The following SLC9A9 variants were observed in gnomAD, a reference collection of about 807,000 sequenced individuals.
SLC9A9 encodes the protein solute carrier family 9 member A9.
A neutral mutation model predicts 77.8 loss-of-function variants in SLC9A9; 62 were observed. The observed-to-expected ratio is 0.80, with a 90% CI of 0.65 to 0.98. SLC9A9 has a LOEUF of 0.98. Among genes scored for constraint, SLC9A9 ranks in the 50% least tolerant of loss-of-function variants. The pLI is 0.00. For missense variants in SLC9A9, 775 were observed against 774.9 expected (o/e 1.00, Z 0.00); for synonymous variants, 320 against 283.5 (o/e 1.13, Z -1.29).
At chr3:143,423,697 T>C (rs775339677) in intron 12 of SLC9A9, among the ~76,000 whole-genome samples, 7 of 152,204 alleles carry the variant, frequency 4.6e-5, no homozygotes, top group African/African-American at 7.2e-5. Context: ...GATATTTATA[T>C]AGCTTCAAAG....
chr3:143,574,122 A>C lies in SLC9A9; in HGVS notation c.966T>G (p.Ser322Arg). 6.2e-7 allele frequency: 1 copy of C among 1,613,560 alleles called. No individual in the cohort carries two copies. Residue 322 changes from serine (S) to arginine (R), a missense_variant, in exon 8 of 16, where the codon AGT becomes AGG. Physicochemically the swap from Ser to Arg is moderately radical, Grantham distance 110 (BLOSUM62 -1). Transcript: ENST00000316549. ...CGGCAGCCTCGGCAGACAGGAAGGC[A>C]CTCCAAGAAAGCAGGAAAAACAGGC... ...ETGLFFLLSWSAFLSAEAAGL... is the reference protein window; with the variant it reads ...ETGLFFLLSWRAFLSAEAAGL...
At chr3:143,564,618 C>G (rs2037138157) in intron 8 of SLC9A9, among the ~76,000 whole-genome samples, 1 of 152,110 alleles carries the variant, frequency 6.6e-6, no homozygotes, top group South Asian at 2.1e-4. Context: ...ATGGAAAACT[C>G]CTTCAGGCAA....
intron 9 of SLC9A9, among the ~76,000 whole-genome samples, chr3:143,525,814 C>T (rs2036394733): frequency 6.6e-6 from 1 of 151,960 alleles, no homozygotes; most frequent in Non-Finnish European, 1.5e-5. Flanking sequence ...ATTTATTTGA[C>T]CAATAATGAC....
intron 14 of SLC9A9, among the ~76,000 whole-genome samples, chr3:143,336,890 TTAC>T (rs1208519671): frequency 6.6e-6 from 1 of 152,152 alleles, no homozygotes; most frequent in Non-Finnish European, 1.5e-5. Flanking sequence ...TACGTGCTTT[TTAC>T]TACATTAATA....
At chr3:143,778,467 A>G (rs1207328282) in intron 4 of SLC9A9, among the ~76,000 whole-genome samples, 2 of 152,220 alleles carry the variant, frequency 1.3e-5, no homozygotes, top group East Asian at 3.8e-4. Context: ...GAATACTGGA[A>G]TTCTTTAATA....
chr3:143,528,503 G>A lies in SLC9A9; in HGVS notation c.1089+23859C>T, dbSNP rs551488107. On this transcript the variant is annotated intron_variant, in intron 9 of 15. Transcript: ENST00000316549. ...TGATCAACAAATCTAAGTTTGCTGT[G>A]ATCTTTTCCCGTTTTAGCACTGAAA... Among the ~76,000 whole-genome samples, 5 of 152,236 alleles carry A rather than the reference G, an allele frequency of 3.3e-5. No individual in the cohort carries two copies. The South Asian group carries it at 1.0e-3, about 32-fold the overall frequency.
chr3:143,303,299 T>G (rs9862119), intron 14 of SLC9A9, among the ~76,000 whole-genome samples: 37,576 of 151,950 alleles, frequency 0.25, 5,065 homozygotes, highest in Middle Eastern at 0.38. Context: ...AAATAGAAAG[T>G]GATATCTGAA....
At chr3:143,351,887 T>A (rs559662900) in intron 14 of SLC9A9, among the ~76,000 whole-genome samples, 2 of 152,270 alleles carry the variant, frequency 1.3e-5, no homozygotes, top group East Asian at 3.9e-4. Flanking sequence ...ATGTTCATCT[T>A]CTGAATATTT....
chr3:143,595,517 T>G (rs773141047), intron 6 of SLC9A9, among the ~76,000 whole-genome samples: 13 of 152,210 alleles, frequency 8.5e-5, no homozygotes, highest in Non-Finnish European at 1.5e-4. Flanking sequence ...CTTGCTTAAT[T>G]TAGTGAAAAC....
chr3:143,302,363 G>A (rs116495888), intron 14 of SLC9A9, among the ~76,000 whole-genome samples: 3,961 of 152,174 alleles, frequency 0.026, 70 homozygotes, highest in South Asian at 0.046. Flanking sequence ...ATGGAAAATC[G>A]GGTAGCAGAG....
chr3:143,438,810 T>C (rs2034672330), intron 12 of SLC9A9, among the ~76,000 whole-genome samples: 1 of 152,082 alleles, frequency 6.6e-6, no homozygotes, highest in Non-Finnish European at 1.5e-5. Context: ...CCAGGGGACC[T>C]CAGCTGCCTA....
intron 4 of SLC9A9, among the ~76,000 whole-genome samples, chr3:143,711,400 TA>T (rs1336520220): frequency 2.6e-5 from 4 of 151,830 alleles, no homozygotes; most frequent in East Asian, 1.9e-4. Context: ...TTTACTCTTT[TA>T]AAAAAAATTA....
chr3:143,302,478 A>AGCCC (rs2108429110), intron 14 of SLC9A9, among the ~76,000 whole-genome samples: 1 of 152,344 alleles, frequency 6.6e-6, no homozygotes, highest in African/African-American at 2.4e-5. Context: ...GGGCTGAAAA[A>AGCCC]GCCCAAGAAA....
At position 143,726,251 on chromosome 3, in the gene SLC9A9, G is replaced by GA. The variant is rs3055626; in HGVS notation, c.534-32945dup. Among the ~76,000 whole-genome samples the GA allele has an allele frequency of 8.5e-3, 1,160 of 136,896 alleles. 25 individuals carry two copies. The highest frequency in any genetic ancestry group is 0.023 in the African/African-American group (834 of 36,682). The allele number at this position is 136,896 out of a possible 152,430, so 89.8% of individuals were successfully genotyped here. On this transcript the variant is annotated intron_variant, in intron 4 of 15. Coordinates refer to ENST00000316549, the MANE Select transcript of SLC9A9 (RefSeq NM_173653.4). Reference sequence around the variant, plus strand: ...AAAATAAAAGTTGGAAATAAAAAAAGAAAAAAAAAAAAAAGAAACACAGTT... The same window carrying GA: ...AAAATAAAAGTTGGAAATAAAAAAAGAAAAAAAAAAAAAAAGAAACACAGTT...
At chr3:143,680,514 A>G (rs4839652) in intron 5 of SLC9A9, among the ~76,000 whole-genome samples, 48,781 of 151,978 alleles carry the variant, frequency 0.32, 8,642 homozygotes, top group East Asian at 0.4. Context: ...TATATCCCTT[A>G]AAATATTATA....
intron 6 of SLC9A9, among the ~76,000 whole-genome samples, chr3:143,600,318 T>C (rs926871935): frequency 2.6e-5 from 4 of 152,152 alleles, no homozygotes; most frequent in African/African-American, 4.8e-5. Context: ...TTGAGAATGA[T>C]GGTTTCCCAT....
intron 4 of SLC9A9, among the ~76,000 whole-genome samples, chr3:143,714,550 T>C (rs1371018180): frequency 6.6e-6 from 1 of 152,228 alleles, no homozygotes; most frequent in African/African-American, 2.4e-5. Flanking sequence ...GTAGCCAGAA[T>C]GGTTATTTTA....
chr3:143,830,402 G>C (rs572328893), intron 2 of SLC9A9, among the ~76,000 whole-genome samples: 278 of 152,292 alleles, frequency 1.8e-3, no homozygotes, highest in South Asian at 3.7e-3. Context: ...GAGGGCTCCA[G>C]CAACTTAGAC....
chr3:143,848,279 T>C lies in SLC9A9; in HGVS notation c.44A>G (p.Gln15Arg). The C allele has an allele frequency of 6.2e-7, 1 of 1,614,044 alleles. No individual in the cohort carries two copies. The highest frequency in any genetic ancestry group is 8.5e-7 in the Non-Finnish European group (1 of 1,179,924). The change falls in exon 1 of 16, where the codon CAG becomes CGG. Residue 15 changes from glutamine (Q) to arginine (R), a missense_variant. Physicochemically the swap from Gln to Arg is conservative, Grantham distance 43. Transcript: ENST00000316549. The part of the protein sequence containing the change: ...SRVMSEKDEY[Q>R]FQHQGAVELL... The stretch of plus-strand genomic sequence containing the variant: ...CTCCACCGCTCCCTGATGTTGAAAC[T>C]GATACTCATCCTTTTCTGACATAAC...
Sources: gnomAD v4.1 joint callset for allele counts (sites outside exome capture counted in the v4.1 genomes callset) on GRCh38, gnomAD v4.1.1 for gene constraint, MANE v1.5 for transcripts, NCBI Gene and HGNC (gene_info 2026-07-23, HGNC 2026-07-21) for gene names.